The following TTC23L variants were observed in gnomAD, a reference collection of about 807,000 sequenced individuals.
The protein encoded by TTC23L is tetratricopeptide repeat domain 23 like, also known as tetratricopeptide repeat protein 23-like.
Under a neutral mutation model 48.1 loss-of-function variants are expected in TTC23L, and 42 were observed. The observed-to-expected ratio is 0.87, with a 90% confidence interval of 0.68 to 1.13. TTC23L has a LOEUF of 1.13. Among genes scored for constraint, TTC23L ranks in the 50% most tolerant of loss-of-function variants. The pLI is 0.00. For synonymous variants in TTC23L, 159 were observed against 157.2 expected (o/e 1.01, Z -0.09); for missense variants, 391 against 421.0 (o/e 0.93, Z 0.62).
In TTC23L at chr5:34,846,249, A is replaced by G. The variant is rs183527245; in HGVS notation, c.255+576A>G. Among the ~76,000 whole-genome samples the G allele has an allele frequency of 3.0e-3, 459 of 151,360 alleles. 6 individuals carry two copies. The highest frequency in any genetic ancestry group is 0.01 in the African/African-American group (427 of 40,958). On this transcript the variant is annotated intron_variant, in intron 3 of 10. Transcript: ENST00000505624. ...TCATTTGATTGTTTTTGTTGCTGTT[A>G]CCTTTAACTTAAAATTAAAAAAAAA...
chr5:34,911,672 T>C, the TTC23L span: 1 of 1,614,162 alleles, frequency 6.2e-7, no homozygotes, highest in Non-Finnish European at 8.5e-7. Context: ...ATAACATTGG[T>C]GCTGCAGAAA....
chr5:34,888,658 TCCTA>T (rs1762677486), intron 9 of TTC23L: 1 of 302,506 alleles, frequency 3.3e-6, no homozygotes, highest in South Asian at 1.3e-4. Context: ...TAAGGCAAAA[TCCTA>T]CCTGTGTATG....
At chr5:34,854,535 T>G (rs1330873435) in intron 4 of TTC23L, among the ~76,000 whole-genome samples, 1 of 152,218 alleles carries the variant, frequency 6.6e-6, no homozygotes, top group African/African-American at 2.4e-5. Flanking sequence ...TCAGCTCCAC[T>G]CAGTGTTGTT....
intron 8 of TTC23L, among the ~76,000 whole-genome samples, chr5:34,875,190 T>G (rs1335813283): frequency 6.6e-6 from 1 of 152,174 alleles, no homozygotes; most frequent in Non-Finnish European, 1.5e-5. Flanking sequence ...AACAAGAGTT[T>G]CAAAATATTT....
In TTC23L at chr5:34,863,828, T is replaced by C. The variant is rs3846633; in HGVS notation, c.537-609T>C. On this transcript the variant is annotated intron_variant, in intron 5 of 10. Transcript: ENST00000505624. The surrounding 1 kb of genome is among the most constrained non-coding windows in gnomAD (Gnocchi z 4.1). ...CATCATCATGAGCACTCTTTGAGCC[T>C]ATGTGTCCCCAGTCTCCTCTCTACA... Among the ~76,000 whole-genome samples, 71,419 of 152,030 alleles carry C rather than the reference T, an allele frequency of 0.47. 17,292 individuals carry two copies. Among genetic ancestry groups the C allele is most frequent in the Non-Finnish European group, 0.52 (35,660 of 67,962 alleles).
the TTC23L span, among the ~76,000 whole-genome samples, chr5:34,917,413 C>A: frequency 1.3e-5 from 2 of 151,912 alleles, no homozygotes. Context: ...GCGGGTGGAT[C>A]ACTAGGTCAG....
downstream of TTC23L, among the ~76,000 whole-genome samples, chr5:34,901,976 G>C (rs751830437): frequency 1.3e-5 from 2 of 152,202 alleles, no homozygotes; most frequent in African/African-American, 2.4e-5. Context: ...TAGACTCTGA[G>C]CAAGTGTATA....
At chr5:34,919,875 AT>A in the TTC23L span, 1 of 1,190,950 alleles carries the variant, frequency 8.4e-7, no homozygotes, top group Non-Finnish European at 1.2e-6. Flanking sequence ...GCTATTTGTG[AT>A]TAACGAGGTA....
chr5:34,873,812 C>G (rs1761643686), intron 8 of TTC23L, among the ~76,000 whole-genome samples: 1 of 152,190 alleles, frequency 6.6e-6, no homozygotes, highest in Middle Eastern at 3.4e-3. Context: ...TGTGTGAGAG[C>G]TTGGAATGCA....
At chr5:34,892,257 T>C (rs1303300098) in intron 9 of TTC23L, among the ~76,000 whole-genome samples, 3 of 152,202 alleles carry the variant, frequency 2.0e-5, no homozygotes, top group South Asian at 2.1e-4. Flanking sequence ...TGGACTTTCA[T>C]TGCTAGGAGC....
intron 8 of TTC23L, chr5:34,869,631 ATT>A (rs1187217645): frequency 1.3e-5 from 2 of 152,350 alleles, no homozygotes; most frequent in Non-Finnish European, 2.9e-5. Flanking sequence ...ACACTGATGG[ATT>A]CAGTGGCCTG....
At chr5:34,869,689 A>T (rs1404953365) in intron 8 of TTC23L, 1 of 152,190 alleles carries the variant, frequency 6.6e-6, no homozygotes, top group Non-Finnish European at 1.5e-5. Context: ...TGATCATTTT[A>T]AAACTGTCTA....
At chr5:34,861,543 G>A (rs1316444426) in intron 4 of TTC23L, 2 of 152,248 alleles carry the variant, frequency 1.3e-5, no homozygotes, top group African/African-American at 2.4e-5. Flanking sequence ...GCAAAAGGGA[G>A]AAGGGACCTG....
chr5:34,857,113 A>G (rs890144175), intron 4 of TTC23L, among the ~76,000 whole-genome samples: 1 of 152,212 alleles, frequency 6.6e-6, no homozygotes, highest in African/African-American at 2.4e-5. Context: ...TCGCTTGTTA[A>G]ACAGAACAAG....
intron 8 of TTC23L, among the ~76,000 whole-genome samples, chr5:34,875,128 T>C (rs966393942): frequency 5.9e-5 from 9 of 152,294 alleles, no homozygotes; most frequent in Admixed American, 6.5e-5. Flanking sequence ...TTACATATGA[T>C]AAAGGGGTCA....
At chr5:34,909,431 T>C in the TTC23L span, 6 of 1,024,946 alleles carry the variant, frequency 5.9e-6, no homozygotes, top group East Asian at 1.5e-4. Context: ...AAGAAAACAC[T>C]TCCTTAAGAA....
chr5:34,898,802 GA>G (rs1479139041), intron 10 of TTC23L, among the ~76,000 whole-genome samples: 4 of 152,178 alleles, frequency 2.6e-5, no homozygotes, highest in African/African-American at 9.7e-5. Context: ...AAAGGGCTAT[GA>G]AAACCACTTT....
chr5:34,902,997 T>C (rs977877129), downstream of TTC23L, among the ~76,000 whole-genome samples: 2 of 150,760 alleles, frequency 1.3e-5, no homozygotes, highest in Non-Finnish European at 2.9e-5. Flanking sequence ...GAAATGGCCA[T>C]TCAGACTCCA....
the TTC23L span, chr5:34,911,923 C>T: frequency 7.9e-7 from 1 of 1,259,204 alleles, no homozygotes; most frequent in Non-Finnish European, 1.1e-6. Flanking sequence ...CCCAATTTCT[C>T]ACATATATGT....
Sources: allele counts gnomAD v4.1 joint callset (sites outside exome capture counted in the v4.1 genomes callset), GRCh38; gene constraint gnomAD v4.1.1; non-coding constraint Gnocchi (gnomAD v3.1); transcripts MANE v1.5; gene names NCBI Gene and HGNC (gene_info 2026-07-23, HGNC 2026-07-21).